The following EHMT2 variants were observed in gnomAD, a reference collection of about 807,000 sequenced individuals.
The protein encoded by EHMT2 is euchromatic histone lysine methyltransferase 2, also known as histone-lysine N-methyltransferase EHMT2.
In EHMT2, 59 loss-of-function variants were observed where a neutral mutation model predicts 143.3. The ratio of observed to expected loss-of-function variants is 0.41; its 90% CI spans 0.33 to 0.51. EHMT2 has a LOEUF of 0.51. Among genes scored for constraint, EHMT2 ranks in the 20% least tolerant of loss-of-function variants. The pLI, the probability that EHMT2 is intolerant of heterozygous loss-of-function variation, is 0.18. For synonymous variants in EHMT2, 604 were observed against 651.5 expected, an observed-to-expected ratio of 0.93 and a Z score of 1.11; for missense variants, 1,174 against 1,645.9, an observed-to-expected ratio of 0.71 and a Z score of 4.96.
Position 31,880,132 on chromosome 6 carries a change from G to A in EHMT2, c.3585C>T (p.His1195=). The A allele has an allele frequency of 6.2e-7, 1 of 1,612,980 alleles. No individual in the cohort carries two copies. The highest frequency in any genetic ancestry group is 8.5e-7 in the Non-Finnish European group (1 of 1,180,014). Reference sequence around the variant, plus strand: ...AGCCGAGCTCGGGCAGCAGCTCAGGGTGTGGGTCCAGGCGGGCCAGACGGC... The same window carrying A: ...AGCCGAGCTCGGGCAGCAGCTCAGGATGTGGGTCCAGGCGGGCCAGACGGC... Residue 1195 remains histidine (H), a synonymous_variant, in exon 28 of 28, where the codon CAC becomes CAT. Coordinates refer to ENST00000375537, the Ensembl canonical transcript of EHMT2. This position sits in a 1 kb window ranked among gnomAD's most constrained non-coding sequence, Gnocchi z 6.6.
In EHMT2 at chr6:31,884,974, T is replaced by TGTGCTC; in HGVS notation, c.2380_2385dup (p.Glu794_His795dup). 6.2e-7 allele frequency: 1 copy of TGTGCTC among 1,611,214 alleles called. No homozygotes were observed. Among genetic ancestry groups the TGTGCTC allele is most frequent in the African/African-American group, 1.3e-5 (1 of 75,006 alleles). ...AGCATGCGGATCACCTCGATGTGCT[T>TGTGCTC]GTGCTCTGCAGCCCAGATGATGGGC... On this transcript the variant is annotated inframe_insertion, in exon 19 of 28. Transcript: ENST00000375537. The surrounding 1 kb of genome is among the most constrained non-coding windows in gnomAD (Gnocchi z 7.3).
At chr6:31,896,211 G>T in intron 4 of EHMT2, 52 bp downstream of exon 4, 1 of 1,554,362 alleles carries the variant, frequency 6.4e-7, no homozygotes, top group Non-Finnish European at 8.7e-7. Flanking sequence ...AACTGTAAAA[G>T]AGCTCACCAA....
chr6:31,884,546 G>A lies in EHMT2; in HGVS notation c.2617C>T (p.Arg873Cys). ...TTCCGCAGCTCAGGGTTGGCCCCACGTGACAGGAATAACCTGAAGAGGGGA... is the reference window on the plus strand; with the variant it reads ...TTCCGCAGCTCAGGGTTGGCCCCACATGACAGGAATAACCTGAAGAGGGGA... The change falls in exon 21 of 28, where the codon CGT becomes TGT. Residue 873 changes from arginine to cysteine, a missense_variant. Physicochemically the swap from Arg to Cys is radical, Grantham distance 180. This residue lies in a region of EHMT2 where 608 missense variants were observed against 903.7 expected (regional missense o/e 0.67). Transcript: ENST00000375537. The surrounding 1 kb of genome is among the most constrained non-coding windows in gnomAD (Gnocchi z 7.3). 2 of 1,612,860 alleles carry A rather than the reference G, an allele frequency of 1.2e-6. No homozygotes were observed. Among genetic ancestry groups the A allele is most frequent in the Non-Finnish European group, 1.7e-6 (2 of 1,179,970 alleles).
chr6:31,896,415 C>A, exon 4 of EHMT2: 1 of 1,613,040 alleles, frequency 6.2e-7, no homozygotes, highest in Non-Finnish European at 8.5e-7. Flanking sequence ...AAACTCTGGA[C>A]AGATGGAGGT....
chr6:31,890,357 A>G (rs530997254), intron 7 of EHMT2, among the ~76,000 whole-genome samples: 62 of 152,202 alleles, frequency 4.1e-4, no homozygotes, highest in Middle Eastern at 6.8e-3. Context: ...CCTGGATTCA[A>G]GCAATTCTCT....
intron 7 of EHMT2, among the ~76,000 whole-genome samples, chr6:31,891,331 AGACT>A (rs1765655573): frequency 1.3e-5 from 2 of 150,030 alleles, no homozygotes; most frequent in South Asian, 4.2e-4. Context: ...GGAAATGTGA[AGACT>A]GACAGGATAT....
In EHMT2 at chr6:31,896,195, A is replaced by C. The variant is rs778322480; in HGVS notation, c.582+68T>G. 1.1e-5 allele frequency: 17 copies of C among 1,536,076 alleles called. No homozygotes were observed. In the African/African-American group the frequency reaches 2.3e-4, roughly 21 times the overall value. On this transcript the variant is annotated intron_variant, in intron 4 of 27. Coordinates refer to ENST00000375537, the Ensembl canonical transcript of EHMT2. The stretch of plus-strand genomic sequence containing the variant: ...AATGAGTAAATGGAGTAGAAGCCTT[A>C]AGTGAAACTGTAAAAGAGCTCACCA...
At chr6:31,882,112 T>TA (rs1764179529) in intron 25 of EHMT2, among the ~76,000 whole-genome samples, 1 of 58,674 alleles carries the variant, frequency 1.7e-5, no homozygotes, top group African/African-American at 7.3e-5. Context: ...TCTCAAAAAA[T>TA]AAATTAAAAA....
At chr6:31,892,378 G>A in intron 7 of EHMT2, 29 bp downstream of exon 7, 1 of 1,604,958 alleles carries the variant, frequency 6.2e-7, no homozygotes, top group South Asian at 1.1e-5. Context: ...GGGAGCACCG[G>A]CGGGGAGGGC....
At position 31,887,678 on chromosome 6, in the gene EHMT2, A is replaced by G; in HGVS notation, c.1929-19T>C. 1 of 1,612,150 alleles carries G rather than the reference A, an allele frequency of 6.2e-7. No homozygotes were observed. Among genetic ancestry groups the G allele is most frequent in the Non-Finnish European group, 8.5e-7 (1 of 1,179,848 alleles). ...CTTCCGCCTGCCAAGGGAGCACGGG[A>G]GCGGGGAGAGAAGGGGAGCTCCTCA... On this transcript the variant is annotated intron_variant, in intron 14 of 27. Transcript: ENST00000375537.
At chr6:31,885,089 CTG>C in intron 18 of EHMT2, 73 bp from the exon 19 acceptor site, 1 of 1,514,154 alleles carries the variant, frequency 6.6e-7, no homozygotes. Flanking sequence ...TCAAGATTGG[CTG>C]TGTGTGTGAA....
exon 4 of EHMT2, chr6:31,896,510 G>C: frequency 6.2e-7 from 1 of 1,612,768 alleles, no homozygotes; most frequent in Non-Finnish European, 8.5e-7. Context: ...TGACTTTGTG[G>C]CATGGCCTAG....
chr6:31,884,465 C>T lies in EHMT2; in HGVS notation c.2698G>A (p.Ala900Thr), dbSNP rs1244056314. The T allele has an allele frequency of 6.2e-7, 1 of 1,612,948 alleles. No individual in the cohort carries two copies. The highest frequency in any genetic ancestry group is 1.1e-5 in the South Asian group (1 of 91,086). Residue 900 changes from alanine to threonine, a missense_variant, in exon 21 of 28, where the codon GCG (alanine) becomes ACG (threonine). Transcript: ENST00000375537. This position sits in a 1 kb window ranked among gnomAD's most constrained non-coding sequence, Gnocchi z 7.3. ...CGGAGCTTGCGGTTGAGTTGAAGCG[C>T]AAACCACACGTCGGAGCGCTCGGGA...
At chr6:31,892,561 G>A in exon 7 of EHMT2, 3 of 1,612,676 alleles carry the variant, frequency 1.9e-6, no homozygotes, top group Non-Finnish European at 1.7e-6. Flanking sequence ...TAACTCCTCT[G>A]ACTAGAAAAA....
chr6:31,881,301 GACA>G lies in EHMT2; in HGVS notation c.3198-212_3198-210del. On this transcript the variant is annotated intron_variant, in intron 25 of 27. Coordinates refer to ENST00000375537, the Ensembl canonical transcript of EHMT2. The surrounding 1 kb of genome is among the most constrained non-coding windows in gnomAD (Gnocchi z 4.8). ...GAAGCCTTCAGTCAGCACAGAGACA[GACA>G]ACAAGCTCTGTGGTTAAGGGGATTA... 1 of 621,112 alleles carries G rather than the reference GACA, an allele frequency of 1.6e-6. No homozygotes were observed. The allele number at this position is 621,112 out of a possible 1,614,324, so 38.5% of individuals were successfully genotyped here. A position where few individuals can be genotyped will look rare whatever the true frequency, so the allele number is the denominator to read the frequency against.
chr6:31,897,065 G>T, intron 1 of EHMT2, 76 bp from the exon 2 acceptor site: 1 of 1,500,370 alleles, frequency 6.7e-7, no homozygotes, highest in Non-Finnish European at 8.9e-7. Context: ...CCTGGGCCCT[G>T]GGAAGAGAGA....
chr6:31,892,896 C>T (rs1263623443), exon 5 of EHMT2: 3 of 1,578,628 alleles, frequency 1.9e-6, no homozygotes, highest in Non-Finnish European at 2.6e-6. Context: ...GGGGCCGCTT[C>T]TCAGGGACCG....
In EHMT2 at chr6:31,884,254, G is replaced by A; in HGVS notation, c.2771+138C>T. ...CTGTATCTGGCAACCCTAGTGGGGA[G>A]GGGGCCTGTGGGTGGTTCTGGGGAT... On this transcript the variant is annotated intron_variant, in intron 21 of 27. Coordinates refer to ENST00000375537, the Ensembl canonical transcript of EHMT2. The surrounding 1 kb of genome is among the most constrained non-coding windows in gnomAD (Gnocchi z 7.3). 1 of 1,014,906 alleles carries A rather than the reference G, an allele frequency of 9.9e-7. No individual in the cohort carries two copies. Among genetic ancestry groups the A allele is most frequent in the Non-Finnish European group, 1.4e-6 (1 of 710,170 alleles). The allele number at this position is 1,014,906 out of a possible 1,614,324, so 62.9% of individuals were successfully genotyped here.
rs879111654 is a variant in EHMT2, at chr6:31,889,677, A to T, written c.865-75T>A. 1 of 1,550,720 alleles carries T rather than the reference A, an allele frequency of 6.4e-7. No individual in the cohort carries two copies. The highest frequency in any genetic ancestry group is 8.7e-7 in the Non-Finnish European group (1 of 1,148,998). ...GAGGTGAGTAAAGAAAACCACCACCACCATTGCCCCCCGCCACTACCCACG... is the reference window on the plus strand; with the variant it reads ...GAGGTGAGTAAAGAAAACCACCACCTCCATTGCCCCCCGCCACTACCCACG... On this transcript the variant is annotated intron_variant, in intron 7 of 27. Transcript: ENST00000375537. The surrounding 1 kb of genome is among the most constrained non-coding windows in gnomAD (Gnocchi z 5.1).
Sources: allele counts gnomAD v4.1 joint callset (sites outside exome capture counted in the v4.1 genomes callset), GRCh38; gene constraint gnomAD v4.1.1; regional missense constraint gnomAD v4.1.1; non-coding constraint Gnocchi (gnomAD v3.1); transcripts MANE v1.5; gene names NCBI Gene and HGNC (gene_info 2026-07-23, HGNC 2026-07-21).